Variants in MARCHF5 observed in about 807,000 individuals in gnomAD.
MARCHF5 encodes membrane associated ring-CH-type finger 5, also known as E3 ubiquitin-protein ligase MARCHF5.
In MARCHF5, 5 loss-of-function variants were observed where a neutral mutation model predicts 36.5. That is an observed-to-expected ratio of 0.14 (90% CI 0.07 to 0.29). MARCHF5 has a LOEUF of 0.29. Ranked by LOEUF, MARCHF5 falls within the 10% of genes least tolerant of loss-of-function variation. MARCHF5 has a pLI of 1.00. For synonymous variants in MARCHF5, 103 were observed against 109.9 expected (o/e 0.94, Z 0.39); for missense variants, 179 against 336.3 (o/e 0.53, Z 3.66).
chr10:92,310,919 AC>A (rs1843137091), intron 1 of MARCHF5, among the ~76,000 whole-genome samples: 1 of 152,206 alleles, frequency 6.6e-6, no homozygotes. Context: ...AGTTCAGAAA[AC>A]ATAAGTTCTG....
intron 1 of MARCHF5, among the ~76,000 whole-genome samples, chr10:92,296,019 G>GC (rs1276371425): frequency 6.6e-6 from 1 of 151,966 alleles, no homozygotes; most frequent in Non-Finnish European, 1.5e-5. Context: ...GGGATTACAG[G>GC]CATGTGCCAC....
At chr10:92,342,886 ATATGTATC>A (rs1371118966) in intron 3 of MARCHF5, among the ~76,000 whole-genome samples, 2 of 152,244 alleles carry the variant, frequency 1.3e-5, no homozygotes, top group African/African-American at 4.8e-5. Flanking sequence ...CAGGAACTGC[ATATGTATC>A]TATGCCAGGG....
chr10:92,295,350 TCTCA>T (rs1842936077), intron 1 of MARCHF5, among the ~76,000 whole-genome samples: 2 of 121,530 alleles, frequency 1.6e-5, no homozygotes, highest in South Asian at 5.5e-4. Context: ...TGAGGCGAAG[TCTCA>T]CTCTGTCACT....
intron 4 of MARCHF5, 41 bp from the exon 5 acceptor site, chr10:92,349,630 C>G (rs765117592): frequency 3.7e-6 from 6 of 1,602,814 alleles, no homozygotes; most frequent in Non-Finnish European, 5.1e-6. Context: ...TCTAACTCTT[C>G]TGATTTATTA....
intron 1 of MARCHF5, among the ~76,000 whole-genome samples, chr10:92,300,213 C>G (rs1053940344): frequency 6.6e-6 from 1 of 150,496 alleles, no homozygotes; most frequent in South Asian, 2.1e-4. Context: ...GGCTCAGTGG[C>G]TCATGCCTGT....
chr10:92,316,239 C>T (rs1042975572), intron 2 of MARCHF5, among the ~76,000 whole-genome samples: 1 of 151,956 alleles, frequency 6.6e-6, no homozygotes. Context: ...TTTTCTGGTA[C>T]TTAGTCATGG....
At chr10:92,335,116 TA>T (rs1843488276) in intron 2 of MARCHF5, among the ~76,000 whole-genome samples, 1 of 152,216 alleles carries the variant, frequency 6.6e-6, no homozygotes, top group African/African-American at 2.4e-5. Context: ...CCTATATATT[TA>T]ACTTGTAAGG....
chr10:92,322,415 T>C (rs1044159320), intron 2 of MARCHF5, among the ~76,000 whole-genome samples: 3 of 149,792 alleles, frequency 2.0e-5, no homozygotes, highest in Non-Finnish European at 4.4e-5. Context: ...GAAGATTAGT[T>C]GACTTGGGAT....
chr10:92,307,806 G>A lies in MARCHF5; in HGVS notation c.36-3329G>A, dbSNP rs549201513. On this transcript the variant is annotated intron_variant, in intron 1 of 5. Transcript: ENST00000358935. ...ATGAGAATCGCTTGAACCGGGAGGC[G>A]GAGGTTGCAGTGAGCCGAGACCACC... Among the ~76,000 whole-genome samples the A allele has an allele frequency of 2.4e-4, 36 of 152,088 alleles. No homozygotes were observed. The South Asian group carries it at 7.3e-3, about 31-fold the overall frequency.
At chr10:92,308,566 A>T (rs1375155198) in intron 1 of MARCHF5, 1 of 152,134 alleles carries the variant, frequency 6.6e-6, no homozygotes, top group Non-Finnish European at 1.5e-5. Context: ...ACATGCCTCT[A>T]ATACTGCTAT....
chr10:92,297,217 A>G (rs1776373764), intron 1 of MARCHF5, among the ~76,000 whole-genome samples: 1 of 145,312 alleles, frequency 6.9e-6, no homozygotes, highest in African/African-American at 2.6e-5. Context: ...CTCAGGCTGG[A>G]GTGGAGGGTC....
intron 2 of MARCHF5, among the ~76,000 whole-genome samples, chr10:92,320,625 AG>A (rs1429100177): frequency 1.3e-5 from 2 of 151,620 alleles, no homozygotes; most frequent in African/African-American, 4.9e-5. Flanking sequence ...AAGTTTAAAA[AG>A]TAAGAATAAT....
At chr10:92,313,060 T>C (rs2798255) in intron 2 of MARCHF5, among the ~76,000 whole-genome samples, 150,258 of 152,228 alleles carry the variant, frequency 0.99, 74,190 homozygotes, top group Middle Eastern at 1. Context: ...ATGGTGAAAC[T>C]ATGTCTTTAC....
In MARCHF5 at chr10:92,291,217, A is replaced by G. The variant is rs1362962583; in HGVS notation, c.-278A>G. 9.5e-6 allele frequency: 5 copies of G among 528,344 alleles called. No individual in the cohort carries two copies. The highest frequency in any genetic ancestry group is 3.5e-5 in the East Asian group (1 of 28,312). The allele number at this position is 528,344 out of a possible 1,614,324, so 32.7% of individuals were successfully genotyped here. A position where few individuals can be genotyped will look rare whatever the true frequency, so the allele number is the denominator to read the frequency against. ...GGCAGCAACTCGGCGCCCGCGGTCC[A>G]TGGACCGGAACCTCGGGCCGACGGA... is the stretch of plus-strand genomic sequence containing the variant. On this transcript the variant is annotated 5_prime_UTR_variant, in exon 1 of 6. The change abolishes an upstream ATG in the 5' untranslated region. Coordinates refer to ENST00000358935, the MANE Select transcript of MARCHF5 (RefSeq NM_017824.5).
At chr10:92,323,593 C>T (rs1394195703) in intron 2 of MARCHF5, among the ~76,000 whole-genome samples, 1 of 152,160 alleles carries the variant, frequency 6.6e-6, no homozygotes, top group African/African-American at 2.4e-5. Context: ...AGCTCCTGGC[C>T]ACCATACATC....
chr10:92,322,244 C>CAAA (rs56391697), intron 2 of MARCHF5, among the ~76,000 whole-genome samples: 11 of 27,746 alleles, frequency 4.0e-4, no homozygotes, highest in South Asian at 2.9e-3. Context: ...AACTCCGTCT[C>CAAA]AAAAAAAAAA....
At chr10:92,334,434 G>A (rs1843478344) in intron 2 of MARCHF5, 2 of 152,226 alleles carry the variant, frequency 1.3e-5, no homozygotes, top group South Asian at 2.1e-4. Context: ...AGAAACTTTC[G>A]CACAACAAAG....
intron 3 of MARCHF5, among the ~76,000 whole-genome samples, chr10:92,347,449 C>G (rs1169579778): frequency 1.3e-5 from 2 of 150,628 alleles, no homozygotes; most frequent in Non-Finnish European, 2.9e-5. Context: ...CATGCCAAGA[C>G]TGAAACTCCG....
At chr10:92,298,059 A>C (rs184609803) in intron 1 of MARCHF5, among the ~76,000 whole-genome samples, 79 of 152,272 alleles carry the variant, frequency 5.2e-4, no homozygotes, top group African/African-American at 1.9e-3. Flanking sequence ...TTAGTAGGGC[A>C]TAGTGGCACA....
Sources: allele counts gnomAD v4.1 joint callset (sites outside exome capture counted in the v4.1 genomes callset), GRCh38; gene constraint gnomAD v4.1.1; transcripts MANE v1.5; gene names NCBI Gene and HGNC (gene_info 2026-07-23, HGNC 2026-07-21).